Variants in PARP4 observed in about 807,000 individuals in gnomAD.
PARP4 encodes the protein protein mono-ADP-ribosyltransferase PARP4.
Under a neutral mutation model 187.7 loss-of-function variants are expected in PARP4, and 120 were observed. The ratio of observed to expected loss-of-function variants is 0.64; its 90% CI spans 0.55 to 0.74. PARP4 has a LOEUF of 0.74. Among genes scored for constraint, PARP4 ranks in the 30% least tolerant of loss-of-function variants. PARP4 has a pLI of 0.00. For synonymous variants in PARP4, 654 were observed against 740.9 expected (o/e 0.88, Z 1.90); for missense variants, 1,836 against 2,070.5 (o/e 0.89, Z 2.20).
At chr13:24,473,931 C>T (rs1303407311) in intron 15 of PARP4, among the ~76,000 whole-genome samples, 1 of 152,168 alleles carries the variant, frequency 6.6e-6, no homozygotes, top group African/African-American at 2.4e-5. Flanking sequence ...CCTCTGTGCT[C>T]TACTGATTCT....
At chr13:24,473,086 G>A (rs573372408) in intron 15 of PARP4, among the ~76,000 whole-genome samples, 2 of 152,006 alleles carry the variant, frequency 1.3e-5, no homozygotes, top group African/African-American at 4.8e-5. Context: ...GTACGCCACT[G>A]CGCTCAGCCA....
chr13:24,457,882 C>G (rs932764599), intron 20 of PARP4, among the ~76,000 whole-genome samples: 7 of 150,524 alleles, frequency 4.7e-5, no homozygotes, highest in Non-Finnish European at 7.4e-5. Flanking sequence ...GAACTAAAGA[C>G]CACCAGTTAC....
At chr13:24,452,102 A>C (rs934018767) in intron 24 of PARP4, 6 of 266,414 alleles carry the variant, frequency 2.3e-5, no homozygotes, top group African/African-American at 1.3e-4. Context: ...TTCTGTTCTG[A>C]GTGCTTTCTA....
At chr13:24,423,666 A>G (rs1372561031) in intron 33 of PARP4, among the ~76,000 whole-genome samples, 5 of 152,286 alleles carry the variant, frequency 3.3e-5, no homozygotes, top group African/African-American at 4.8e-5. Flanking sequence ...TATAAATTAC[A>G]TATAGTAAAT....
intron 1 of PARP4, among the ~76,000 whole-genome samples, chr13:24,510,559 A>AAAAAAAG (rs1305952400): frequency 6.6e-6 from 1 of 151,678 alleles, no homozygotes; most frequent in African/African-American, 2.4e-5. Flanking sequence ...GTCTCAAAAA[A>AAAAAAAG]AAAAAAAAAA....
chr13:24,422,569 T>C (rs1358463840), intron 33 of PARP4, among the ~76,000 whole-genome samples: 1 of 152,196 alleles, frequency 6.6e-6, no homozygotes, highest in Non-Finnish European at 1.5e-5. Context: ...ATAGAAAATA[T>C]AGAACAAAGT....
At chr13:24,452,223 A>T (rs1033619578) in intron 24 of PARP4, 183 bp downstream of exon 24, 1 of 568,434 alleles carries the variant, frequency 1.8e-6, no homozygotes, top group African/African-American at 1.9e-5. Context: ...GGCTAAGCTA[A>T]TGAGTGGCCA....
chr13:24,429,012 A>ATT (rs141291849), intron 32 of PARP4, among the ~76,000 whole-genome samples: 16 of 151,218 alleles, frequency 1.1e-4, no homozygotes, highest in African/African-American at 3.2e-4. Flanking sequence ...TTTTCATTCT[A>ATT]TTTTTTTTCT....
chr13:24,445,118 C>G (rs1419905254), intron 27 of PARP4, among the ~76,000 whole-genome samples: 21 of 152,148 alleles, frequency 1.4e-4, no homozygotes, highest in Admixed American at 6.5e-4. Flanking sequence ...TGAAACTTCA[C>G]TCATCTGGCC....
intron 7 of PARP4, 88 bp from the exon 8 acceptor site, chr13:24,493,821 G>A (rs554995207): frequency 2.3e-6 from 3 of 1,322,254 alleles, no homozygotes; most frequent in African/African-American, 1.5e-5. Context: ...AGAGGTGTGA[G>A]GAGAAATAAT....
chr13:24,425,561 G>T (rs1247167074), intron 33 of PARP4, among the ~76,000 whole-genome samples: 1 of 137,750 alleles, frequency 7.3e-6, no homozygotes, highest in Non-Finnish European at 1.6e-5. Flanking sequence ...GTGTGTGTGT[G>T]TGTGTGTGTA....
intron 6 of PARP4, among the ~76,000 whole-genome samples, 157 bp from the exon 7 acceptor site, chr13:24,494,879 C>T (rs7342427): frequency 3.4e-5 from 5 of 146,524 alleles, no homozygotes; most frequent in Non-Finnish European, 4.5e-5. Context: ...TTTTCTTTTT[C>T]TTTTTTTTTT....
At chr13:24,431,519 T>A in intron 31 of PARP4, 43 bp from the exon 32 acceptor site, 1 of 1,274,152 alleles carries the variant, frequency 7.8e-7, no homozygotes, top group Non-Finnish European at 1.1e-6. Context: ...TTATTCACAT[T>A]TTATCACATA....
At position 24,432,441 on chromosome 13, in the gene PARP4, G is replaced by A. The variant is rs1455804395; in HGVS notation, c.4747-965C>T. ...ACGTATACAACTTGATGTGTTTGGA[G>A]TTAAATATACACCTGTGAAACCATC... On this transcript the variant is annotated intron_variant, in intron 31 of 33. Transcript: ENST00000381989. Among the ~76,000 whole-genome samples the A allele has an allele frequency of 2.6e-5, 4 of 152,152 alleles. No homozygotes were observed. In the East Asian group the frequency reaches 5.8e-4, roughly 22 times the overall value.
chr13:24,477,988 C>T (rs1193155808), intron 13 of PARP4, 105 bp downstream of exon 13: 10 of 1,069,800 alleles, frequency 9.3e-6, no homozygotes, highest in Non-Finnish European at 1.3e-5. Flanking sequence ...AAATATATAA[C>T]AATTATTTAA....
intron 32 of PARP4, among the ~76,000 whole-genome samples, chr13:24,430,175 G>A (rs560252810): frequency 7.9e-4 from 121 of 152,216 alleles, no homozygotes; most frequent in African/African-American, 2.8e-3. Context: ...CACTCCTCAC[G>A]TAAATTGTCA....
At chr13:24,438,714 C>G (rs7985394) in intron 30 of PARP4, among the ~76,000 whole-genome samples, 59,901 of 151,528 alleles carry the variant, frequency 0.4, 12,009 homozygotes, top group African/African-American at 0.46. Context: ...CCTTCCTGAG[C>G]ACGTCCCAGC....
intron 25 of PARP4, among the ~76,000 whole-genome samples, chr13:24,449,170 T>C (rs577174451): frequency 3.6e-4 from 55 of 152,136 alleles, no homozygotes; most frequent in African/African-American, 5.1e-4. Context: ...GGGCAGATCA[T>C]GAGGTCAGGA....
intron 12 of PARP4, among the ~76,000 whole-genome samples, chr13:24,480,173 A>G (rs1479142799): frequency 3.3e-5 from 5 of 152,334 alleles, no homozygotes; most frequent in Admixed American, 2.6e-4. Flanking sequence ...AGAACCCACC[A>G]ATTCTGGATG....
Sources: allele counts gnomAD v4.1 joint callset (sites outside exome capture counted in the v4.1 genomes callset), GRCh38; gene constraint gnomAD v4.1.1; transcripts MANE v1.5; gene names NCBI Gene and HGNC (gene_info 2026-07-23, HGNC 2026-07-21).